KCNG1: variants seen among roughly 807,000 people sequenced by gnomAD.
The protein encoded by KCNG1 is potassium voltage-gated channel modifier subfamily G member 1.
A neutral mutation model predicts 32.4 loss-of-function variants in KCNG1; 17 were observed. The observed-to-expected ratio is 0.52, with a 90% CI of 0.36 to 0.79. The LOEUF is 0.79. KCNG1 is among the 30% of genes least tolerant of loss of function. KCNG1 has a pLI of 0.00. For missense variants in KCNG1, 441 were observed against 735.2 expected (o/e 0.60, Z 4.63); for synonymous variants, 358 against 339.9 (o/e 1.05, Z -0.59).
intron 1 of KCNG1, 142 bp from the exon 2 acceptor site, chr20:51,010,506 G>C (rs1988041115): frequency 3.2e-6 from 2 of 634,648 alleles, no homozygotes. Context: ...GCCCTCAATG[G>C]GATGGTATTA....
At chr20:51,019,615 C>T (rs1412530913) in intron 1 of KCNG1, among the ~76,000 whole-genome samples, 1 of 152,232 alleles carries the variant, frequency 6.6e-6, no homozygotes, top group Admixed American at 6.5e-5. Flanking sequence ...GGCAACTTTC[C>T]AGAAGGAAAG....
chr20:51,004,548 G>A lies in KCNG1; in HGVS notation c.1033C>T (p.Leu345=). 6.3e-7 allele frequency: 1 copy of A among 1,584,030 alleles called. No individual in the cohort carries two copies. Among genetic ancestry groups the A allele is most frequent in the South Asian group, 1.1e-5 (1 of 88,410 alleles). ...ACGTACAGGATGCGCAGCGCCCGCA[G>A]CACGCGCAGCACCAGCCCCACCTTG... ...LDKVGLVLRV[L]RALRILYVMR... is the part of the protein sequence containing the mutation. Residue 345 remains leucine, a synonymous_variant, in exon 3 of 3, where the codon CTG becomes TTG. Transcript: ENST00000371571. This position sits in a 1 kb window ranked among gnomAD's most constrained non-coding sequence, Gnocchi z 4.3.
chr20:51,023,013 C>G lies in KCNG1; in HGVS notation c.-170G>C, dbSNP rs1490799000. The G allele has an allele frequency of 6.6e-6, 1 of 152,282 alleles. No homozygotes were observed. The highest frequency in any genetic ancestry group is 2.4e-5 in the African/African-American group (1 of 41,466). The allele number at this position is 152,282 out of a possible 1,614,324, so 9.4% of individuals were successfully genotyped here. Reference sequence around the variant, plus strand: ...AGCCCGCTCTGCCTCCCGGAGCCGCCGCCAAACTTCGGTCCCGGGGCCCGG... The same window carrying G: ...AGCCCGCTCTGCCTCCCGGAGCCGCGGCCAAACTTCGGTCCCGGGGCCCGG... On this transcript the variant is annotated 5_prime_UTR_variant, in exon 1 of 3. Transcript: ENST00000371571.
intron 1 of KCNG1, among the ~76,000 whole-genome samples, chr20:51,018,078 G>A (rs559059365): frequency 6.6e-6 from 1 of 152,296 alleles, no homozygotes; most frequent in South Asian, 2.1e-4. Context: ...CGTTCTGAGT[G>A]GCAGTTCTCA....
chr20:51,016,131 T>C (rs1046527856), intron 1 of KCNG1, among the ~76,000 whole-genome samples: 8 of 152,200 alleles, frequency 5.3e-5, no homozygotes, highest in Admixed American at 2.0e-4. Context: ...TTTGTGACAG[T>C]TGCAATAGGA....
In KCNG1 at chr20:51,015,063, A is replaced by G. The variant is rs975147900; in HGVS notation, c.-26-4699T>C. On this transcript the variant is annotated intron_variant, in intron 1 of 2. Coordinates refer to ENST00000371571, the MANE Select transcript of KCNG1 (RefSeq NM_002237.4). The surrounding 1 kb of genome is among the most constrained non-coding windows in gnomAD (Gnocchi z 4.4). ...AGCTGGGGCTTATTCTGCAAGGGAC[A>G]AGGAGTCCATGTGTGCCTGCCAGGT... Among the ~76,000 whole-genome samples the G allele has an allele frequency of 1.3e-5, 2 of 152,088 alleles. No individual in the cohort carries two copies. Among genetic ancestry groups the G allele is most frequent in the East Asian group, 3.9e-4 (2 of 5,154 alleles).
At chr20:51,014,296 T>G (rs945356462) in intron 1 of KCNG1, among the ~76,000 whole-genome samples, 2 of 152,206 alleles carry the variant, frequency 1.3e-5, no homozygotes, top group African/African-American at 4.8e-5. Context: ...TCAGCACCTC[T>G]AGACCCTACA....
In KCNG1 at chr20:51,009,861, G is replaced by C. The variant is rs1427125504; in HGVS notation, c.478C>G (p.His160Asp). Reference protein sequence around the residue: ...ELLYWGIAEDHLDGCCKRRYL... With the variant: ...ELLYWGIAEDDLDGCCKRRYL... ...CGGCGCTTGCAGCAGCCGTCCAGGT[G>C]GTCCTCCGCGATGCCCCAGTACAGC... Residue 160 changes from histidine (H) to aspartate (D), a missense_variant, in exon 2 of 3, where the codon CAC becomes GAC. Around this residue, in one of 6 missense-constraint regions of KCNG1, gnomAD observed 70 missense variants for 158.4 expected, o/e 0.44. Transcript: ENST00000371571. The C allele has an allele frequency of 3.1e-6, 5 of 1,613,452 alleles. No individual in the cohort carries two copies. Among genetic ancestry groups the C allele is most frequent in the East Asian group, 2.2e-5 (1 of 44,876 alleles).
At chr20:51,011,512 G>GC (rs1222376063) in intron 1 of KCNG1, among the ~76,000 whole-genome samples, 2 of 152,144 alleles carry the variant, frequency 1.3e-5, no homozygotes, top group Admixed American at 6.5e-5. Context: ...GAATGCTGTT[G>GC]CATGTCCTAC....
chr20:51,012,119 C>T (rs952939844), intron 1 of KCNG1, among the ~76,000 whole-genome samples: 2 of 152,138 alleles, frequency 1.3e-5, no homozygotes, highest in Admixed American at 1.3e-4. Flanking sequence ...AAAGGGACAA[C>T]TAATATTGTT....
chr20:51,010,477 C>G (rs1172828164), intron 1 of KCNG1, 113 bp from the exon 2 acceptor site: 1 of 767,848 alleles, frequency 1.3e-6, no homozygotes, highest in Non-Finnish European at 2.0e-6. Context: ...TCCCCCACAT[C>G]CATAGGTTGC....
At chr20:51,018,457 T>G (rs1448717955) in intron 1 of KCNG1, among the ~76,000 whole-genome samples, 2 of 152,186 alleles carry the variant, frequency 1.3e-5, no homozygotes, top group African/African-American at 4.8e-5. Flanking sequence ...TGACCCCAAC[T>G]GCTTTCAGGT....
rs774900169 is a variant in KCNG1, at chr20:51,004,215, C to T, written c.1366G>A (p.Val456Ile). 12 of 1,614,128 alleles carry T rather than the reference C, an allele frequency of 7.4e-6. No homozygotes were observed. The highest frequency in any genetic ancestry group is 1.1e-5 in the South Asian group (1 of 91,082). The change falls in exon 3 of 3, where the codon GTC (valine) becomes ATC (isoleucine). Residue 456 changes from valine (V) to isoleucine (I), a missense_variant. Val to Ile is a conservative substitution (Grantham distance 29). Coordinates refer to ENST00000371571, the MANE Select transcript of KCNG1 (RefSeq NM_002237.4). This position sits in a 1 kb window ranked among gnomAD's most constrained non-coding sequence, Gnocchi z 4.3. ...GAGAAGGTGTGGAAGATGGAGGTGA[C>T]TGGGAAGGCCATGAGCAGGATGCCG... ...LSGILLMAFPVTSIFHTFSRS... is the reference protein window; with the variant it reads ...LSGILLMAFPITSIFHTFSRS...
chr20:51,004,660 C>T lies in KCNG1; in HGVS notation c.921G>A (p.Val307=). The T allele has an allele frequency of 6.2e-7, 1 of 1,603,264 alleles. No individual in the cohort carries two copies. Among genetic ancestry groups the T allele is most frequent in the East Asian group, 2.3e-5 (1 of 44,352 alleles). ...GCGTGATGTAGTAGGGCAGGATGGCCACCAGGTCGATCAGCGTCAGCGGGC... is the reference window on the plus strand; with the variant it reads ...GCGTGATGTAGTAGGGCAGGATGGCTACCAGGTCGATCAGCGTCAGCGGGC... ...LRSPLTLIDL[V]AILPYYITLL... is the part of the protein sequence containing the mutation. Residue 307 remains valine (V), a synonymous_variant, in exon 3 of 3, where the codon GTG becomes GTA. Transcript: ENST00000371571. This position sits in a 1 kb window ranked among gnomAD's most constrained non-coding sequence, Gnocchi z 4.3.
chr20:51,022,211 T>C (rs1462778331), intron 1 of KCNG1, among the ~76,000 whole-genome samples: 1 of 151,420 alleles, frequency 6.6e-6, no homozygotes, highest in African/African-American at 2.4e-5. Flanking sequence ...AACCAATCTT[T>C]GTCCAATCTA....
In KCNG1 at chr20:51,015,440, A is replaced by T. The variant is rs934355144; in HGVS notation, c.-26-5076T>A. Reference sequence around the variant, plus strand: ...TCCCAAGGACGGTGCCAGACCATCAATGCTGAGCTGATGGGTGTGTGTTTG... The same window carrying T: ...TCCCAAGGACGGTGCCAGACCATCATTGCTGAGCTGATGGGTGTGTGTTTG... On this transcript the variant is annotated intron_variant, in intron 1 of 2. Transcript: ENST00000371571. This position sits in a 1 kb window ranked among gnomAD's most constrained non-coding sequence, Gnocchi z 4.4. 2.6e-5 allele frequency among the ~76,000 whole-genome samples: 4 copies of T among 152,154 alleles called. No individual in the cohort carries two copies. Among genetic ancestry groups the T allele is most frequent in the Admixed American group, 6.5e-5 (1 of 15,282 alleles).
At position 51,004,153 on chromosome 20, in the gene KCNG1, C is replaced by T. The variant is rs780518838; in HGVS notation, c.1428G>A (p.Arg476=). The T allele has an allele frequency of 3.7e-6, 6 of 1,614,086 alleles. No individual in the cohort carries two copies. In the East Asian group the frequency reaches 1.3e-4, roughly 36 times the overall value. ...SYLELKQEQE[R]VMFRRAQFLI... is the part of the protein sequence containing the mutation. ...GGAACTGCGCCCTCCGGAACATCAC[C>T]CTCTCTTGCTCCTGCTTGAGCTCCA... Residue 476 remains arginine, a synonymous_variant, in exon 3 of 3, where the codon AGG becomes AGA. Coordinates refer to ENST00000371571, the MANE Select transcript of KCNG1 (RefSeq NM_002237.4). This position sits in a 1 kb window ranked among gnomAD's most constrained non-coding sequence, Gnocchi z 4.3.
Position 51,003,972 on chromosome 20 carries a change from G to A in KCNG1, c.*67C>T. On this transcript the variant is annotated 3_prime_UTR_variant, in exon 3 of 3. Transcript: ENST00000371571. ...TCGGAAGCGGCCTGTCCCTCTCCAG[G>A]CGTCTGCAGTGGATGGCAATGGCTT... 1 of 1,543,750 alleles carries A rather than the reference G, an allele frequency of 6.5e-7. No individual in the cohort carries two copies. Among genetic ancestry groups the A allele is most frequent in the East Asian group, 2.3e-5 (1 of 44,336 alleles).
At chr20:51,011,107 T>C (rs1366298612) in intron 1 of KCNG1, among the ~76,000 whole-genome samples, 5 of 152,160 alleles carry the variant, frequency 3.3e-5, no homozygotes, top group African/African-American at 1.2e-4. Flanking sequence ...GTGGTATTAA[T>C]ATTTGGTTAC....
Sources: allele counts gnomAD v4.1 joint callset (sites outside exome capture counted in the v4.1 genomes callset), GRCh38; gene constraint gnomAD v4.1.1; regional missense constraint gnomAD v4.1.1; non-coding constraint Gnocchi (gnomAD v3.1); transcripts MANE v1.5; gene names NCBI Gene and HGNC (gene_info 2026-07-23, HGNC 2026-07-21).